WASHC5: variants seen among roughly 807,000 people sequenced by gnomAD.
WASHC5 encodes WASH complex subunit strumpellin.
A neutral mutation model predicts 150.4 loss-of-function variants in WASHC5; 101 were observed. That is an observed-to-expected ratio of 0.67 (90% confidence interval 0.57 to 0.79). WASHC5 has a LOEUF of 0.79. Among genes scored for constraint, WASHC5 ranks in the 30% least tolerant of loss-of-function variants. The pLI, the probability that WASHC5 is intolerant of heterozygous loss-of-function variation, is 0.00. For synonymous variants in WASHC5, 467 were observed against 491.2 expected, an observed-to-expected ratio of 0.95 and a Z score of 0.65; for missense variants, 1,195 against 1,396.3, an observed-to-expected ratio of 0.86 and a Z score of 2.30.
At position 125,083,799 on chromosome 8, in the gene WASHC5, CAG is replaced by C. The variant is rs775123472; in HGVS notation, c.98_99del (p.Ser33Ter). The C allele has an allele frequency of 6.2e-7, 1 of 1,613,866 alleles. No individual in the cohort carries two copies. The highest frequency in any genetic ancestry group is 8.5e-7 in the Non-Finnish European group (1 of 1,179,824). On this transcript the variant is annotated frameshift_variant, in exon 2 of 29. Coordinates refer to ENST00000318410, the MANE Select transcript of WASHC5 (RefSeq NM_014846.4). LOFTEE classifies it high-confidence loss of function. ...NAIIAELLRLSEFIPAVFRLK... is the reference protein window; with the variant it reads ...NAIIAELLRLXEFIPAVFRLK... The stretch of plus-strand genomic sequence containing the variant: ...AACCTGAACACAGCAGGAATAAACT[CAG>C]AGAGTCTCAAAAGTTCAGCAATGAT...
Position 125,038,823 on chromosome 8 carries a change from T to G in WASHC5, c.3084+7A>C, listed in dbSNP as rs1284208537. ...CATCCCCGCCATTATATATTTTAATTACTCACCTTATTCAGTGGGTTGTGA... is the reference window on the plus strand; with the variant it reads ...CATCCCCGCCATTATATATTTTAATGACTCACCTTATTCAGTGGGTTGTGA... On this transcript the variant is annotated splice_region_variant and intron_variant, in intron 25 of 28. Coordinates refer to ENST00000318410, the MANE Select transcript of WASHC5 (RefSeq NM_014846.4). The G allele has an allele frequency of 1.9e-6, 3 of 1,613,682 alleles. No individual in the cohort carries two copies. In the East Asian group the frequency reaches 6.7e-5, roughly 36 times the overall value.
At chr8:125,060,126 A>G (rs918135419) in intron 12 of WASHC5, among the ~76,000 whole-genome samples, 1 of 152,258 alleles carries the variant, frequency 6.6e-6, no homozygotes, top group Non-Finnish European at 1.5e-5. Context: ...TATTAATTAT[A>G]TCTCTAAAAA....
At chr8:125,047,642 T>TG (rs1816110130) in intron 19 of WASHC5, among the ~76,000 whole-genome samples, 1 of 152,174 alleles carries the variant, frequency 6.6e-6, no homozygotes, top group Admixed American at 6.5e-5. Context: ...TTCACCATGT[T>TG]GGCTAGGCTG....
chr8:125,083,400 A>T, intron 2 of WASHC5, 142 bp from the exon 3 acceptor site: 1 of 751,054 alleles, frequency 1.3e-6, no homozygotes, highest in Non-Finnish European at 2.1e-6. Context: ...TGAAGATAAT[A>T]GAAGCCTAGA....
At chr8:125,085,879 A>C (rs910525743) in intron 1 of WASHC5, among the ~76,000 whole-genome samples, 7 of 152,158 alleles carry the variant, frequency 4.6e-5, no homozygotes, top group African/African-American at 1.7e-4. Flanking sequence ...TCCTTCTTAC[A>C]TTCCCCTCTG....
intron 5 of WASHC5, among the ~76,000 whole-genome samples, chr8:125,081,382 C>T (rs1354252679): frequency 3.3e-5 from 5 of 151,824 alleles, no homozygotes; most frequent in African/African-American, 1.2e-4. Flanking sequence ...GAATTACAGG[C>T]GCCCACCACC....
intron 28 of WASHC5, 112 bp downstream of exon 28, chr8:125,028,508 G>A: frequency 2.7e-6 from 2 of 730,596 alleles, no homozygotes; most frequent in Non-Finnish European, 4.9e-6. Flanking sequence ...GAGAGGCGCA[G>A]AGGCATCTAC....
rs1394129828 is a variant in WASHC5 at position 125,024,483 on chromosome 8, C to CG, written c.*133dup. On this transcript the variant is annotated 3_prime_UTR_variant, in exon 29 of 29. Transcript: ENST00000318410. The stretch of plus-strand genomic sequence containing the variant: ...GCCATGAGATATATCTTACTCAGAA[C>CG]GTCTGATGTTTCCCATAATAGACAG... 5.5e-6 allele frequency: 4 copies of CG among 729,792 alleles called. No individual in the cohort carries two copies. Among genetic ancestry groups the CG allele is most frequent in the Admixed American group, 4.0e-5 (2 of 50,162 alleles). 45.2% of individuals were successfully genotyped at this position (729,792 alleles called of 1,614,324 possible). A position where few individuals can be genotyped will look rare whatever the true frequency, so the allele number is the denominator to read the frequency against.
chr8:125,057,529 TA>T, intron 15 of WASHC5, 26 bp downstream of exon 15: 1 of 1,422,660 alleles, frequency 7.0e-7, no homozygotes, highest in Non-Finnish European at 9.9e-7. Flanking sequence ...CTGGCAAGAG[TA>T]AATATCACCC....
intron 27 of WASHC5, 80 bp downstream of exon 27, chr8:125,032,161 T>TA (rs1192844411): frequency 1.1e-5 from 17 of 1,484,242 alleles, no homozygotes; most frequent in Non-Finnish European, 1.6e-5. Flanking sequence ...ATTAGGGCGA[T>TA]AAGAGGAATT....
At chr8:125,069,913 C>T (rs1563629135) in intron 9 of WASHC5, among the ~76,000 whole-genome samples, 1 of 152,150 alleles carries the variant, frequency 6.6e-6, no homozygotes, top group African/African-American at 2.4e-5. Context: ...TTCATGTTTG[C>T]ATAGGGAATG....
chr8:125,073,520 T>G (rs141756789), intron 8 of WASHC5, among the ~76,000 whole-genome samples, 196 bp from the exon 9 acceptor site: 10 of 152,158 alleles, frequency 6.6e-5, no homozygotes, highest in Admixed American at 3.3e-4. Flanking sequence ...GCTCAAACTT[T>G]AACATTTTTA....
intron 12 of WASHC5, among the ~76,000 whole-genome samples, chr8:125,060,460 TG>T (rs201322929): frequency 0.024 from 3,583 of 150,036 alleles, 148 homozygotes; most frequent in African/African-American, 0.085. Context: ...CACTCCAGCC[TG>T]GGTGACAGAA....
At chr8:125,030,391 T>C (rs1486796270) in intron 27 of WASHC5, among the ~76,000 whole-genome samples, 1 of 152,206 alleles carries the variant, frequency 6.6e-6, no homozygotes, top group Admixed American at 6.5e-5. Flanking sequence ...TTAAAAAATC[T>C]TGTTTCTGAA....
chr8:125,087,259 G>A (rs1357749279), intron 1 of WASHC5, among the ~76,000 whole-genome samples: 1 of 152,118 alleles, frequency 6.6e-6, no homozygotes, highest in East Asian at 1.9e-4. Flanking sequence ...TTTCTGTATT[G>A]TACTACTGCA....
At chr8:125,041,739 G>T (rs547211875) in intron 23 of WASHC5, among the ~76,000 whole-genome samples, 5 of 152,144 alleles carry the variant, frequency 3.3e-5, no homozygotes, top group African/African-American at 1.2e-4. Flanking sequence ...GACCTCAGAT[G>T]TATTATTTTT....
chr8:125,079,064 TC>T (rs1396116865), intron 5 of WASHC5, 134 bp from the exon 6 acceptor site: 1 of 604,458 alleles, frequency 1.7e-6, no homozygotes, highest in East Asian at 3.1e-5. Flanking sequence ...ATCTATATCC[TC>T]AATATATCCT....
intron 28 of WASHC5, among the ~76,000 whole-genome samples, chr8:125,027,532 A>G (rs566623233): frequency 6.4e-4 from 98 of 152,348 alleles, no homozygotes; most frequent in African/African-American, 2.2e-3. Flanking sequence ...AAAACCAAAC[A>G]TCGTATATTC....
chr8:125,076,721 C>T (rs950717388), intron 6 of WASHC5, among the ~76,000 whole-genome samples: 3 of 142,076 alleles, frequency 2.1e-5, no homozygotes, highest in Non-Finnish European at 3.0e-5. Flanking sequence ...AGCCCTTGAC[C>T]GCTGCAATTC....
Sources: gnomAD v4.1 joint callset for allele counts (sites outside exome capture counted in the v4.1 genomes callset) on GRCh38, gnomAD v4.1.1 for gene constraint, MANE v1.5 for transcripts, NCBI Gene and HGNC (gene_info 2026-07-23, HGNC 2026-07-21) for gene names.